Variants in RRM2 observed in about 807,000 individuals in gnomAD.
RRM2 encodes the protein ribonucleotide reductase regulatory subunit M2.
A neutral mutation model predicts 45.9 loss-of-function variants in RRM2; 6 were observed. That is an observed-to-expected ratio of 0.13 (90% confidence interval 0.07 to 0.26). The LOEUF (loss-of-function observed/expected upper bound fraction) is 0.26. RRM2 is among the 10% of genes least tolerant of loss of function. The pLI, the probability that RRM2 is intolerant of heterozygous loss-of-function variation, is 1.00. For missense variants in RRM2, 343 were observed against 489.5 expected, an observed-to-expected ratio of 0.70 and a Z score of 2.82; for synonymous variants, 177 against 173.0, an observed-to-expected ratio of 1.02 and a Z score of -0.18.
Position 10,127,241 on chromosome 2 carries a change from A to C in RRM2, c.798+21A>C, listed in dbSNP as rs377244112. On this transcript the variant is annotated intron_variant, in intron 7 of 9. Transcript: ENST00000304567. The surrounding 1 kb of genome is among the most constrained non-coding windows in gnomAD (Gnocchi z 4.1). ...ATGAGGTGAGTCTAAGTCAAATAAT[A>C]GGGTGACCTAAACCCCAAACACAAC... is the stretch of plus-strand genomic sequence containing the variant. 9 of 1,606,824 alleles carry C rather than the reference A, an allele frequency of 5.6e-6. No homozygotes were observed. Among genetic ancestry groups the C allele is most frequent in the Non-Finnish European group, 7.6e-6 (9 of 1,177,034 alleles).
At chr2:10,149,945 T>G (rs1193053337) in intron 3 of RRM2, among the ~76,000 whole-genome samples, 2 of 152,244 alleles carry the variant, frequency 1.3e-5, no homozygotes, top group Non-Finnish European at 2.9e-5. Flanking sequence ...CCCAAACATC[T>G]GTGTGGTATT....
intron 3 of RRM2, among the ~76,000 whole-genome samples, chr2:10,154,273 A>G (rs1285975132): frequency 6.6e-6 from 1 of 152,164 alleles, no homozygotes; most frequent in Non-Finnish European, 1.5e-5. Flanking sequence ...CAGGGGTTCT[A>G]GACCAGCCTG....
At chr2:10,210,429 G>C in exon 4 of RRM2, 1 of 1,367,868 alleles carries the variant, frequency 7.3e-7, no homozygotes, top group Non-Finnish European at 9.8e-7. Flanking sequence ...TCCAGACAGG[G>C]ACACCCCTGG....
At chr2:10,137,765 C>G (rs1663016317), upstream of RRM2, among the ~76,000 whole-genome samples, 1 of 152,190 alleles carries the variant, frequency 6.6e-6, no homozygotes, top group Admixed American at 6.5e-5. Context: ...TGGGTGAGGT[C>G]TTCCCTGAGC....
chr2:10,195,061 G>A lies in RRM2; in HGVS notation n.483-15250G>A, dbSNP rs999297408. On this transcript the variant is annotated intron_variant and non_coding_transcript_variant, in intron 3 of 3. Coordinates refer to the RRM2 transcript ENST00000381786. This position sits in a 1 kb window ranked among gnomAD's most constrained non-coding sequence, Gnocchi z 4.9. ...CACGAGGCCATGTGGTCGTGGCTAC[G>A]GGTTTAATCTAAAATTCATTCTGAT... 4.0e-5 allele frequency among the ~76,000 whole-genome samples: 6 copies of A among 151,214 alleles called. No homozygotes were observed. Among genetic ancestry groups the A allele is most frequent in the Non-Finnish European group, 7.4e-5 (5 of 68,024 alleles).
chr2:10,153,549 G>T (rs1449128654), intron 3 of RRM2, among the ~76,000 whole-genome samples: 1 of 151,966 alleles, frequency 6.6e-6, no homozygotes. Context: ...ATTATACAAG[G>T]CCCCATATAG....
chr2:10,145,200 C>T (rs1663163890), intron 3 of RRM2, among the ~76,000 whole-genome samples: 1 of 152,012 alleles, frequency 6.6e-6, no homozygotes, highest in East Asian at 1.9e-4. Flanking sequence ...TGGCTGTGGG[C>T]CAGGTGGGTG....
In RRM2 at chr2:10,128,838, T is replaced by C. The variant is rs757410902; in HGVS notation, c.799-10T>C. 4 of 1,609,912 alleles carry C rather than the reference T, an allele frequency of 2.5e-6. No homozygotes were observed. Among genetic ancestry groups the C allele is most frequent in the Non-Finnish European group, 3.4e-6 (4 of 1,176,346 alleles). On this transcript the variant is annotated splice_polypyrimidine_tract_variant and intron_variant, in intron 7 of 9. Coordinates refer to ENST00000304567, the MANE Select transcript of RRM2 (RefSeq NM_001034.4). Reference sequence around the variant, plus strand: ...TTCTGGCTTTAGTGATCTTGAACTTTTTTTTCTAGGGTTTACACTGTGATT... The same window carrying C: ...TTCTGGCTTTAGTGATCTTGAACTTCTTTTTCTAGGGTTTACACTGTGATT...
rs1302337329 is a variant in RRM2, at chr2:10,205,499, A to G, written n.483-4812A>G. ...CTCGTGGACACTCGGAGGTGGGGGA[A>G]GGCTCTGTTCTTTTACTTTTCTGGT... On this transcript the variant is annotated intron_variant and non_coding_transcript_variant, in intron 3 of 3. Coordinates refer to the RRM2 transcript ENST00000381786. This position sits in a 1 kb window ranked among gnomAD's most constrained non-coding sequence, Gnocchi z 4.8. Among the ~76,000 whole-genome samples, 1 of 152,132 alleles carries G rather than the reference A, an allele frequency of 6.6e-6. No homozygotes were observed. The highest frequency in any genetic ancestry group is 1.5e-5 in the Non-Finnish European group (1 of 68,016).
chr2:10,162,359 G>A (rs941978630), intron 3 of RRM2, among the ~76,000 whole-genome samples: 1 of 152,204 alleles, frequency 6.6e-6, no homozygotes, highest in African/African-American at 2.4e-5. Flanking sequence ...CGTGTGCAGG[G>A]CGGTTGCTGA....
At chr2:10,167,902 G>A (rs115616851) in intron 3 of RRM2, among the ~76,000 whole-genome samples, 144 of 152,230 alleles carry the variant, frequency 9.5e-4, no homozygotes, top group African/African-American at 3.3e-3. Context: ...GGGCTTTCTT[G>A]GAGACAGCTC....
chr2:10,140,111 G>A (rs1163023245), upstream of RRM2, among the ~76,000 whole-genome samples: 1 of 152,162 alleles, frequency 6.6e-6, no homozygotes, highest in Non-Finnish European at 1.5e-5. Context: ...GCTGGGCGTG[G>A]TGGCGGGCAC....
At chr2:10,124,683 T>TC (rs1336213083) in intron 4 of RRM2, 34 bp from the exon 5 acceptor site, 1 of 1,610,670 alleles carries the variant, frequency 6.2e-7, no homozygotes, top group African/African-American at 1.3e-5. Flanking sequence ...GTTGGTTTTT[T>TC]CTCAAGCTTA....
rs753756989 is a variant in RRM2 at position 10,129,109 on chromosome 2, T to C, written c.972T>C (p.Ile324=). 1.9e-6 allele frequency: 3 copies of C among 1,614,060 alleles called. No individual in the cohort carries two copies. The highest frequency in any genetic ancestry group is 2.5e-6 in the Non-Finnish European group (3 of 1,180,002). Residue 324 remains isoleucine, a synonymous_variant, in exon 9 of 10, where the codon ATT becomes ATC. Transcript: ENST00000304567. The surrounding 1 kb of genome is among the most constrained non-coding windows in gnomAD (Gnocchi z 4.8). ...ATTGCACTCTAATGAAGCAATACAT[T>C]GAGTTTGTGGCAGACAGACTTATGC... ...GMNCTLMKQY[I]EFVADRLMLE...
At chr2:10,192,034 A>G (rs563573814) in intron 3 of RRM2, among the ~76,000 whole-genome samples, 1 of 152,128 alleles carries the variant, frequency 6.6e-6, no homozygotes, top group Admixed American at 6.5e-5. Flanking sequence ...TGGAGGCCAG[A>G]GGGGACTCAC....
chr2:10,159,711 TCA>T (rs1663515615), intron 3 of RRM2, among the ~76,000 whole-genome samples: 1 of 152,204 alleles, frequency 6.6e-6, no homozygotes, highest in South Asian at 2.1e-4. Flanking sequence ...TATTGTGTGT[TCA>T]CACACACAGA....
downstream of RRM2, among the ~76,000 whole-genome samples, chr2:10,133,941 G>A (rs1662946246): frequency 6.6e-6 from 1 of 152,004 alleles, no homozygotes; most frequent in African/African-American, 2.4e-5. Context: ...CACTTTGGGA[G>A]GCTGAGGTGG....
At chr2:10,146,432 G>A (rs1429308722) in intron 3 of RRM2, among the ~76,000 whole-genome samples, 1 of 152,222 alleles carries the variant, frequency 6.6e-6, no homozygotes, top group Admixed American at 6.5e-5. Flanking sequence ...CTAGGGTGGG[G>A]CGCCTCTGCT....
rs546018738 is a variant in RRM2, at chr2:10,194,520, C to T, written n.483-15791C>T. On this transcript the variant is annotated intron_variant and non_coding_transcript_variant, in intron 3 of 3. Transcript: ENST00000381786. Reference sequence around the variant, plus strand: ...GCAGGTTGTGTTACTAACGTCCCCCCGTGGCTCCTGGGCTAACGGTGCACT... The same window carrying T: ...GCAGGTTGTGTTACTAACGTCCCCCTGTGGCTCCTGGGCTAACGGTGCACT... Among the ~76,000 whole-genome samples the T allele has an allele frequency of 2.4e-4, 37 of 152,342 alleles. 2 individuals carry two copies. The South Asian group carries it at 6.0e-3, about 25-fold the overall frequency.
Sources: gnomAD v4.1 joint callset for allele counts (sites outside exome capture counted in the v4.1 genomes callset) on GRCh38, gnomAD v4.1.1 for gene constraint, Gnocchi (gnomAD v3.1) non-coding constraint, MANE v1.5 for transcripts, NCBI Gene and HGNC (gene_info 2026-07-23, HGNC 2026-07-21) for gene names.